The following SOS1 variants were observed in gnomAD, a reference collection of about 807,000 sequenced individuals.
The protein encoded by SOS1 is son of sevenless homolog 1.
In SOS1, 25 loss-of-function variants were observed where a neutral mutation model predicts 157.6. That is an observed-to-expected ratio of 0.16 (90% CI 0.12 to 0.22). The LOEUF (loss-of-function observed/expected upper bound fraction) is 0.22, where lower values mean the gene tolerates loss of function less well. SOS1 is among the 10% of genes least tolerant of loss of function. The pLI is 1.00. For missense variants in SOS1, 1,237 were observed against 1,599.1 expected, an observed-to-expected ratio of 0.77 and a Z score of 3.86; for synonymous variants, 528 against 534.0, an observed-to-expected ratio of 0.99 and a Z score of 0.16.
intron 1 of SOS1, among the ~76,000 whole-genome samples, chr2:39,091,590 G>C (rs546241242): frequency 7.3e-6 from 1 of 137,922 alleles, no homozygotes; most frequent in Non-Finnish European, 1.6e-5. Flanking sequence ...AAAAGAACTC[G>C]AAAAAAAAAA....
chr2:39,051,167 T>C lies in SOS1; in HGVS notation c.841A>G (p.Ser281Gly), dbSNP rs397517178. The C allele has an allele frequency of 6.2e-6, 10 of 1,613,740 alleles. No homozygotes were observed. In the Admixed American group the frequency reaches 1.2e-4, roughly 19 times the overall value. ...ACCTCTGCTAAGTCTTCAAAGCAGC[T>C]TCCTACTAGTGGATGGGGACTGCCT... ...DEGSPHPLVGSCFEDLAEELA... is the reference protein window; with the variant it reads ...DEGSPHPLVGGCFEDLAEELA... The change falls in exon 6 of 23, where the codon AGC becomes GGC. Residue 281 changes from serine (S) to glycine (G), a missense_variant. This residue lies in a region of SOS1 where 101 missense variants were observed against 171.5 expected (regional missense o/e 0.59). Coordinates refer to ENST00000402219, the MANE Select transcript of SOS1 (RefSeq NM_005633.4).
chr2:39,045,252 G>GGGAA (rs1670730330), intron 6 of SOS1, among the ~76,000 whole-genome samples: 3 of 120,022 alleles, frequency 2.5e-5, no homozygotes, highest in Non-Finnish European at 5.5e-5. Context: ...GGGAGAGAGA[G>GGGAA]AGAGAGAGAG....
At chr2:39,097,046 G>C (rs910023133) in intron 1 of SOS1, among the ~76,000 whole-genome samples, 1 of 152,154 alleles carries the variant, frequency 6.6e-6, no homozygotes, top group African/African-American at 2.4e-5. Flanking sequence ...GGGATGGGAA[G>C]AGTTGGATGA....
At chr2:39,027,838 T>A (rs1670019934) in intron 8 of SOS1, among the ~76,000 whole-genome samples, 1 of 151,818 alleles carries the variant, frequency 6.6e-6, no homozygotes, top group African/African-American at 2.4e-5. Flanking sequence ...TTATTTTTTT[T>A]TTTTTTTTGA....
At chr2:39,052,812 G>A (rs559342056) in intron 5 of SOS1, among the ~76,000 whole-genome samples, 1 of 152,240 alleles carries the variant, frequency 6.6e-6, no homozygotes, top group South Asian at 2.1e-4. Context: ...AAACCTAGGA[G>A]TAGAATTGCT....
At chr2:39,019,178 T>G (rs1669718655) in intron 10 of SOS1, among the ~76,000 whole-genome samples, 1 of 151,718 alleles carries the variant, frequency 6.6e-6, no homozygotes, top group African/African-American at 2.4e-5. Flanking sequence ...GGGAAACACC[T>G]TTTCCCTCAC....
Position 39,120,514 on chromosome 2 carries a change from C to A in SOS1, c.-92G>T. On this transcript the variant is annotated 5_prime_UTR_variant, in exon 1 of 23. Transcript: ENST00000402219. ...GGCGAGCTCGCAGCGCGGAACAGGG[C>A]CGCGGCCCCACCGGACGGCCCGGCC... 1 of 1,184,012 alleles carries A rather than the reference C, an allele frequency of 8.4e-7. No individual in the cohort carries two copies. The highest frequency in any genetic ancestry group is 3.6e-5 in the South Asian group (1 of 27,622). 73.3% of individuals were successfully genotyped at this position (1,184,012 alleles called of 1,614,324 possible).
chr2:39,048,746 T>C (rs902180043), intron 6 of SOS1, among the ~76,000 whole-genome samples: 2 of 152,156 alleles, frequency 1.3e-5, no homozygotes, highest in African/African-American at 4.8e-5. Flanking sequence ...TTCACTGCCA[T>C]GTTTTTAGCT....
At chr2:39,117,608 A>T (rs1673702740) in intron 1 of SOS1, among the ~76,000 whole-genome samples, 1 of 152,246 alleles carries the variant, frequency 6.6e-6, no homozygotes, top group South Asian at 2.1e-4. Context: ...GCATAGGTTG[A>T]ACTCAAAAGA....
chr2:39,096,385 T>C lies in SOS1; in HGVS notation c.87+23951A>G, dbSNP rs190557287. On this transcript the variant is annotated intron_variant, in intron 1 of 22. Coordinates refer to ENST00000402219, the MANE Select transcript of SOS1 (RefSeq NM_005633.4). ...TAGCACATACTCTTCAACTATCTTCTTTCTCATATGTTTTAAGACCAGAAT... is the reference window on the plus strand; with the variant it reads ...TAGCACATACTCTTCAACTATCTTCCTTCTCATATGTTTTAAGACCAGAAT... Among the ~76,000 whole-genome samples the C allele has an allele frequency of 1.4e-3, 215 of 152,336 alleles. 1 individual carries two copies. Among genetic ancestry groups the C allele is most frequent in the African/African-American group, 4.9e-3 (205 of 41,580 alleles).
intron 6 of SOS1, among the ~76,000 whole-genome samples, chr2:39,036,265 G>A (rs1670339373): frequency 6.6e-6 from 1 of 152,152 alleles, no homozygotes; most frequent in Non-Finnish European, 1.5e-5. Flanking sequence ...ACATCTAGTG[G>A]AGGAGCATAG....
At position 39,054,686 on chromosome 2, in the gene SOS1, T is replaced by A; in HGVS notation, c.648A>T (p.Ile216=). The A allele has an allele frequency of 6.2e-7, 1 of 1,600,384 alleles. No homozygotes were observed. The highest frequency in any genetic ancestry group is 8.6e-7 in the Non-Finnish European group (1 of 1,167,654). ...CTTTTATAATTAGATTTAGTTCCCT[T>A]ATATATTGTCGAATTTCTGCCATAA... ...KAFMAEIRQY[I]RELNLIIKVF... Residue 216 remains isoleucine (I), a synonymous_variant, in exon 5 of 23, where the codon ATA becomes ATT. Coordinates refer to ENST00000402219, the MANE Select transcript of SOS1 (RefSeq NM_005633.4).
intron 2 of SOS1, among the ~76,000 whole-genome samples, chr2:39,066,971 T>C (rs1175520913): frequency 6.6e-6 from 1 of 152,202 alleles, no homozygotes; most frequent in Non-Finnish European, 1.5e-5. Context: ...CTAGAATATA[T>C]ACAAACTATC....
Position 38,986,020 on chromosome 2 carries a change from G to C in SOS1, c.3806C>G (p.Thr1269Arg), listed in dbSNP as rs370528448. 4 of 1,613,822 alleles carry C rather than the reference G, an allele frequency of 2.5e-6. No homozygotes were observed. The African/African-American group carries it at 5.3e-5, about 22-fold the overall frequency. ...PPPQTPSPHG[T>R]RRHLPSPPLT... is the part of the protein sequence containing the mutation. Reference sequence around the variant, plus strand: ...TGGTGGTGATGGCAGATGCCTTCTTGTGCCGTGAGGAGAAGGTGTTTGAGG... The same window carrying C: ...TGGTGGTGATGGCAGATGCCTTCTTCTGCCGTGAGGAGAAGGTGTTTGAGG... Residue 1269 changes from threonine to arginine, a missense_variant, in exon 23 of 23, where the codon ACA becomes AGA. Physicochemically the swap from Thr to Arg is moderately conservative, Grantham distance 71. Coordinates refer to ENST00000402219, the MANE Select transcript of SOS1 (RefSeq NM_005633.4).
intron 10 of SOS1, among the ~76,000 whole-genome samples, chr2:39,019,363 A>C (rs1669723679): frequency 6.6e-6 from 1 of 151,154 alleles, no homozygotes; most frequent in Non-Finnish European, 1.5e-5. Context: ...GCCTACAACA[A>C]CTCTGTAACA....
chr2:39,123,067 C>T (rs1673949074), upstream of SOS1, among the ~76,000 whole-genome samples: 1 of 152,224 alleles, frequency 6.6e-6, no homozygotes, highest in South Asian at 2.1e-4. Context: ...TCACCACACT[C>T]CAGTCACAGT....
At chr2:39,059,771 T>G (rs1436078200) in intron 2 of SOS1, among the ~76,000 whole-genome samples, 2 of 152,190 alleles carry the variant, frequency 1.3e-5, no homozygotes, top group East Asian at 1.9e-4. Context: ...TTGGAAATCT[T>G]AAGAGCAAAT....
At chr2:39,086,698 T>C (rs543064347) in intron 1 of SOS1, among the ~76,000 whole-genome samples, 3 of 152,322 alleles carry the variant, frequency 2.0e-5, no homozygotes, top group East Asian at 3.9e-4. Flanking sequence ...TCCCCACATC[T>C]TTCTACTTTA....
chr2:38,998,397 A>G (rs7573310), intron 17 of SOS1, among the ~76,000 whole-genome samples: 143,649 of 152,158 alleles, frequency 0.94, 67,902 homozygotes, highest in African/African-American at 0.98. Context: ...TTACAGGCAT[A>G]TGCCACCACA....
Sources: allele counts gnomAD v4.1 joint callset (sites outside exome capture counted in the v4.1 genomes callset), GRCh38; gene constraint gnomAD v4.1.1; regional missense constraint gnomAD v4.1.1; transcripts MANE v1.5; gene names NCBI Gene and HGNC (gene_info 2026-07-23, HGNC 2026-07-21).